Variants in GDI2 observed in about 807,000 individuals in gnomAD.
GDI2 encodes the protein GDP dissociation inhibitor 2.
GDI2 carries 22 observed loss-of-function variants against 54.2 expected under a neutral mutation model. That is an observed-to-expected ratio of 0.41 (90% CI 0.29 to 0.58). The LOEUF (loss-of-function observed/expected upper bound fraction) is 0.58. GDI2 is among the 20% of genes least tolerant of loss of function. GDI2 has a pLI of 0.35. For synonymous variants in GDI2, 177 were observed against 182.1 expected (o/e 0.97, Z 0.23); for missense variants, 422 against 546.0 (o/e 0.77, Z 2.26).
At chr10:5,767,922 A>AC (rs1840395254) in intron 8 of GDI2, among the ~76,000 whole-genome samples, 1 of 152,134 alleles carries the variant, frequency 6.6e-6, no homozygotes, top group South Asian at 2.1e-4. Flanking sequence ...TTAAGCATAA[A>AC]CCTCCACAGG....
intron 6 of GDI2, among the ~76,000 whole-genome samples, chr10:5,781,271 CTA>C (rs1840747599): frequency 8.1e-6 from 1 of 123,956 alleles, no homozygotes; most frequent in African/African-American, 2.9e-5. Flanking sequence ...TATAAAACTT[CTA>C]AAAAAAAAAA....
intron 6 of GDI2, among the ~76,000 whole-genome samples, chr10:5,780,041 C>T (rs1185155750): frequency 6.6e-6 from 1 of 152,010 alleles, no homozygotes; most frequent in Non-Finnish European, 1.5e-5. Context: ...GAGACTCCAT[C>T]TCTACCAAAA....
intron 4 of GDI2, among the ~76,000 whole-genome samples, chr10:5,788,347 C>A (rs1291160670): frequency 2.6e-5 from 4 of 152,128 alleles, no homozygotes; most frequent in Non-Finnish European, 5.9e-5. Context: ...TATGCTGATG[C>A]CTTCCCAGAT....
chr10:5,779,967 T>G (rs1840714272), intron 6 of GDI2, among the ~76,000 whole-genome samples: 1 of 152,006 alleles, frequency 6.6e-6, no homozygotes, highest in Non-Finnish European at 1.5e-5. Context: ...GTGCTGCAAT[T>G]ACAGGCATGA....
At chr10:5,786,165 A>ATAT in intron 4 of GDI2, 115 bp from the exon 5 acceptor site, 2 of 385,164 alleles carry the variant, frequency 5.2e-6, no homozygotes, top group Non-Finnish European at 9.0e-6. Context: ...GCAGGATGCA[A>ATAT]TTTTTTTTTT....
intron 1 of GDI2, among the ~76,000 whole-genome samples, chr10:5,807,626 T>C (rs915895097): frequency 6.6e-6 from 1 of 152,220 alleles, no homozygotes; most frequent in African/African-American, 2.4e-5. Flanking sequence ...CACCTGGCAC[T>C]TGACGTTCTC....
chr10:5,795,102 T>C (rs1022329650), intron 3 of GDI2, 83 bp from the exon 4 acceptor site: 1 of 863,204 alleles, frequency 1.2e-6, no homozygotes. Context: ...CTTCTAAAAT[T>C]TTTTCTAACG....
chr10:5,772,948 C>A (rs1293784025), intron 7 of GDI2, among the ~76,000 whole-genome samples: 8 of 152,042 alleles, frequency 5.3e-5, no homozygotes, highest in African/African-American at 1.2e-4. Flanking sequence ...TCATTTAAGC[C>A]TCCAGGTATA....
chr10:5,780,680 A>T (rs1840735529), intron 6 of GDI2, among the ~76,000 whole-genome samples: 1 of 152,252 alleles, frequency 6.6e-6, no homozygotes, highest in Non-Finnish European at 1.5e-5. Context: ...TACAAAATAC[A>T]TTAACAGCGG....
At chr10:5,809,601 T>A (rs1303804186) in intron 1 of GDI2, among the ~76,000 whole-genome samples, 2 of 152,366 alleles carry the variant, frequency 1.3e-5, no homozygotes, top group Non-Finnish European at 2.9e-5. Flanking sequence ...GACTTAATGC[T>A]TTCTCATACT....
At chr10:5,773,985 C>A (rs1264213162) in intron 6 of GDI2, 44 bp from the exon 7 acceptor site, 1 of 799,236 alleles carries the variant, frequency 1.3e-6, no homozygotes, top group Non-Finnish European at 2.1e-6. Flanking sequence ...ATAGTTGTTT[C>A]AACTCCTAAA....
intron 1 of GDI2, among the ~76,000 whole-genome samples, chr10:5,812,519 G>A (rs1406445743): frequency 6.6e-6 from 1 of 152,190 alleles, no homozygotes; most frequent in African/African-American, 2.4e-5. Context: ...GCGAAGGTCA[G>A]GTGCGAAAGC....
rs562206255 is a variant in GDI2 at position 5,774,144 on chromosome 10, T to C, written c.720-203A>G. ...GTTATAAATACGAAGTCAAAAAAAA[T>C]CACTAACCAGGCACTTGTCTTTCGA... is the stretch of plus-strand genomic sequence containing the variant. On this transcript the variant is annotated intron_variant, in intron 6 of 10. Transcript: ENST00000380191. This position sits in a 1 kb window ranked among gnomAD's most constrained non-coding sequence, Gnocchi z 4.8. 5.3e-3 allele frequency among the ~76,000 whole-genome samples: 795 copies of C among 148,774 alleles called. 7 individuals carry two copies. The highest frequency in any genetic ancestry group is 0.019 in the African/African-American group (761 of 40,806).
In GDI2 at chr10:5,766,605, T is replaced by C. The variant is rs1269678060; in HGVS notation, c.1025A>G (p.Asn342Ser). The change falls in exon 9 of 11, where the codon AAT becomes AGT. Residue 342 changes from asparagine (N) to serine (S), a missense_variant. Transcript: ENST00000380191. The surrounding 1 kb of genome is among the most constrained non-coding windows in gnomAD (Gnocchi z 5.8). ...IYVCMISFAHNVAAQGKYIAI... is the reference protein window; with the variant it reads ...IYVCMISFAHSVAAQGKYIAI... ...AATGTACTTCCCTTGTGCTGCTACATTGTGCGCAAAGGAGATCATGCAGAC... is the reference window on the plus strand; with the variant it reads ...AATGTACTTCCCTTGTGCTGCTACACTGTGCGCAAAGGAGATCATGCAGAC... 5 of 1,613,494 alleles carry C rather than the reference T, an allele frequency of 3.1e-6. No homozygotes were observed. Among genetic ancestry groups the C allele is most frequent in the East Asian group, 2.2e-5 (1 of 44,880 alleles).
intron 1 of GDI2, among the ~76,000 whole-genome samples, chr10:5,804,458 G>C (rs529515352): frequency 6.6e-6 from 1 of 152,054 alleles, no homozygotes; most frequent in Admixed American, 6.6e-5. Flanking sequence ...CCCTCATGCC[G>C]TATTCCAATC....
chr10:5,804,897 G>C (rs1056551213), intron 1 of GDI2, among the ~76,000 whole-genome samples: 1 of 151,136 alleles, frequency 6.6e-6, no homozygotes, highest in Admixed American at 6.6e-5. Context: ...GCAATGGCAC[G>C]ATCTCAGCTC....
intron 2 of GDI2, among the ~76,000 whole-genome samples, chr10:5,798,247 T>C (rs1841191285): frequency 6.6e-6 from 1 of 152,236 alleles, no homozygotes; most frequent in Non-Finnish European, 1.5e-5. Context: ...TCATGAATCC[T>C]ACTGCTAAGG....
chr10:5,800,482 C>A, intron 2 of GDI2, 116 bp downstream of exon 2: 1 of 683,274 alleles, frequency 1.5e-6, no homozygotes. Flanking sequence ...AAACAGTGCT[C>A]CAGATATTCC....
At chr10:5,773,772 A>G in intron 7 of GDI2, 70 bp downstream of exon 7, 1 of 755,550 alleles carries the variant, frequency 1.3e-6, no homozygotes, top group East Asian at 2.5e-5. Flanking sequence ...CCACACCAAA[A>G]TCAATATTTA....
Sources: gnomAD v4.1 joint callset for allele counts (sites outside exome capture counted in the v4.1 genomes callset) on GRCh38, gnomAD v4.1.1 for gene constraint, Gnocchi (gnomAD v3.1) non-coding constraint, MANE v1.5 for transcripts, NCBI Gene and HGNC (gene_info 2026-07-23, HGNC 2026-07-21) for gene names.